Variants in TMEM266 observed in about 807,000 individuals in gnomAD.
TMEM266 encodes transmembrane protein 266.
TMEM266 carries 33 observed loss-of-function variants against 50.5 expected under a neutral mutation model. The ratio of observed to expected loss-of-function variants is 0.65; its 90% CI spans 0.50 to 0.87. The LOEUF (loss-of-function observed/expected upper bound fraction) is 0.87, where lower values mean the gene tolerates loss of function less well. Among genes scored for constraint, TMEM266 ranks in the 40% least tolerant of loss-of-function variants. The probability of loss-of-function intolerance (pLI) is 0.00; values close to 1 mark genes in which losing one functional copy is unlikely to be tolerated. For missense variants in TMEM266, 655 were observed against 695.1 expected, an observed-to-expected ratio of 0.94 and a Z score of 0.65; for synonymous variants, 310 against 292.3, an observed-to-expected ratio of 1.06 and a Z score of -0.62.
At chr15:76,091,702 A>G (rs1196026841) in intron 1 of TMEM266, among the ~76,000 whole-genome samples, 1 of 151,336 alleles carries the variant, frequency 6.6e-6, no homozygotes, top group Admixed American at 6.6e-5. Context: ...AGAAAAACCT[A>G]TGGAGGCTGG....
At chr15:76,144,833 T>C (rs912631958) in intron 3 of TMEM266, among the ~76,000 whole-genome samples, 1 of 152,206 alleles carries the variant, frequency 6.6e-6, no homozygotes, top group African/African-American at 2.4e-5. Flanking sequence ...GGGAGGTATC[T>C]GCACCCCAGC....
At chr15:76,106,647 T>C (rs936538394) in intron 1 of TMEM266, among the ~76,000 whole-genome samples, 5 of 152,142 alleles carry the variant, frequency 3.3e-5, no homozygotes, top group African/African-American at 1.2e-4. Context: ...AGACTTGCTA[T>C]GTTCCCCAGG....
At chr15:76,193,913 C>A (rs929737629) in intron 9 of TMEM266, among the ~76,000 whole-genome samples, 1 of 152,258 alleles carries the variant, frequency 6.6e-6, no homozygotes, top group African/African-American at 2.4e-5. Flanking sequence ...GTACTGCCTC[C>A]TCCCAGAGCT....
intron 8 of TMEM266, among the ~76,000 whole-genome samples, chr15:76,184,625 T>C (rs1001140794): frequency 2.0e-5 from 3 of 152,250 alleles, no homozygotes; most frequent in Non-Finnish European, 4.4e-5. Context: ...ACCATCGAGC[T>C]TCTGGCCAAA....
At chr15:76,154,085 G>GC (rs1007751409) in intron 3 of TMEM266, among the ~76,000 whole-genome samples, 6 of 152,106 alleles carry the variant, frequency 3.9e-5, no homozygotes, top group African/African-American at 1.2e-4. Flanking sequence ...AATCACAGCC[G>GC]CCCTCACCAG....
chr15:76,201,550 A>G (rs1280099495), intron 9 of TMEM266, among the ~76,000 whole-genome samples: 1 of 152,042 alleles, frequency 6.6e-6, no homozygotes, highest in African/African-American at 2.4e-5. Context: ...GCTAATTTTT[A>G]AAAGACCCTG....
chr15:76,195,186 C>T (rs979586990), intron 9 of TMEM266, among the ~76,000 whole-genome samples: 30 of 152,166 alleles, frequency 2.0e-4, no homozygotes, highest in Admixed American at 5.2e-4. Flanking sequence ...AACCTTACAC[C>T]GACTCCCAGG....
At chr15:76,077,494 T>C (rs1596087738) in intron 1 of TMEM266, among the ~76,000 whole-genome samples, 1 of 152,106 alleles carries the variant, frequency 6.6e-6, no homozygotes, top group African/African-American at 2.4e-5. Context: ...AATCTGTGAA[T>C]GTTACCTTAT....
rs185681539 is a variant in TMEM266, at chr15:76,197,832, C to T, written c.959-4370C>T. ...GCCAGTCCCCACCACCTCCAGGAAG[C>T]CTGGCCCAGCTGACTCACCACCCTT... is the stretch of plus-strand genomic sequence containing the variant. On this transcript the variant is annotated intron_variant, in intron 9 of 10. Transcript: ENST00000388942. Among the ~76,000 whole-genome samples the T allele has an allele frequency of 9.3e-4, 142 of 152,356 alleles. 1 individual carries two copies. The highest frequency in any genetic ancestry group is 3.4e-3 in the Middle Eastern group (1 of 294).
intron 3 of TMEM266, among the ~76,000 whole-genome samples, chr15:76,146,691 A>G (rs1371339587): frequency 6.6e-6 from 1 of 152,248 alleles, no homozygotes; most frequent in Non-Finnish European, 1.5e-5. Context: ...GACTGGGGAC[A>G]AAGAAAAAGG....
At chr15:76,193,055 C>T (rs550965897) in intron 9 of TMEM266, among the ~76,000 whole-genome samples, 2 of 152,318 alleles carry the variant, frequency 1.3e-5, no homozygotes, top group African/African-American at 4.8e-5. Flanking sequence ...GAGGCCTGAG[C>T]TCCAGCCTCT....
intron 3 of TMEM266, among the ~76,000 whole-genome samples, chr15:76,155,928 G>C (rs923789286): frequency 6.6e-6 from 1 of 152,150 alleles, no homozygotes; most frequent in African/African-American, 2.4e-5. Flanking sequence ...TTAGACACAC[G>C]GAAGTGCAGT....
intron 3 of TMEM266, among the ~76,000 whole-genome samples, chr15:76,148,848 C>T (rs151134597): frequency 1.1e-3 from 164 of 152,296 alleles, no homozygotes; most frequent in Non-Finnish European, 1.5e-3. Flanking sequence ...CCCAGCTGCA[C>T]ACAACCCTCC....
intron 1 of TMEM266, among the ~76,000 whole-genome samples, chr15:76,133,935 A>G (rs2037552126): frequency 6.6e-6 from 1 of 152,160 alleles, no homozygotes; most frequent in Non-Finnish European, 1.5e-5. Flanking sequence ...CTCTTCTACC[A>G]TCTCTGTGAC....
At chr15:76,129,202 A>C (rs1298460791) in intron 1 of TMEM266, among the ~76,000 whole-genome samples, 1 of 152,230 alleles carries the variant, frequency 6.6e-6, no homozygotes, top group Non-Finnish European at 1.5e-5. Flanking sequence ...TAATAAAAAG[A>C]GGGACAAGAA....
intron 1 of TMEM266, among the ~76,000 whole-genome samples, chr15:76,080,601 C>G (rs2036677071): frequency 6.6e-6 from 1 of 151,838 alleles, no homozygotes; most frequent in Non-Finnish European, 1.5e-5. Context: ...GCCCTCCTGC[C>G]GTCCTCTCAT....
rs2037610977 is a variant in TMEM266 at position 76,137,607 on chromosome 15, C to T, written c.39-100C>T. The T allele has an allele frequency of 9.8e-6, 12 of 1,225,502 alleles. No individual in the cohort carries two copies. The South Asian group carries it at 1.5e-4, about 15-fold the overall frequency. 75.9% of individuals were successfully genotyped at this position (1,225,502 alleles called of 1,614,324 possible). ...GCAACCTTAAGCTTCCTCAGCCCTC[C>T]ACTGGCATAGCAGCATTCTCCCTCC... On this transcript the variant is annotated intron_variant, in intron 2 of 10. Coordinates refer to ENST00000388942, the MANE Select transcript of TMEM266 (RefSeq NM_152335.3).
At chr15:76,137,959 C>T (rs1286391483) in intron 3 of TMEM266, 64 bp downstream of exon 3, 11 of 1,467,280 alleles carry the variant, frequency 7.5e-6, no homozygotes, top group African/African-American at 2.9e-5. Flanking sequence ...CGGTGGCTCA[C>T]GCCTGTAATC....
At chr15:76,177,344 G>A (rs118054195) in intron 8 of TMEM266, among the ~76,000 whole-genome samples, 4,656 of 152,312 alleles carry the variant, frequency 0.031, 100 homozygotes, top group South Asian at 0.056. Flanking sequence ...TCTGTTGCGG[G>A]TCTTGGTAAA....
Sources: gnomAD v4.1 joint callset for allele counts (sites outside exome capture counted in the v4.1 genomes callset) on GRCh38, gnomAD v4.1.1 for gene constraint, MANE v1.5 for transcripts, NCBI Gene and HGNC (gene_info 2026-07-23, HGNC 2026-07-21) for gene names.